RYR3: variants seen among roughly 807,000 people sequenced by gnomAD.
RYR3 encodes the protein brain ryanodine receptor-calcium release channel.
Under a neutral mutation model 584.3 loss-of-function variants are expected in RYR3, and 207 were observed. The ratio of observed to expected loss-of-function variants is 0.35; its 90% confidence interval spans 0.32 to 0.40. The LOEUF is 0.40. RYR3 is among the 10% of genes least tolerant of loss of function. The pLI is 1.00. For synonymous variants in RYR3, 2,416 were observed against 2,248.5 expected, an observed-to-expected ratio of 1.07 and a Z score of -2.11; for missense variants, 5,616 against 6,089.2, an observed-to-expected ratio of 0.92 and a Z score of 2.59.
chr15:33,421,515 C>A (rs2044241606), intron 1 of RYR3, among the ~76,000 whole-genome samples: 1 of 152,080 alleles, frequency 6.6e-6, no homozygotes, highest in Non-Finnish European at 1.5e-5. Context: ...GCGAAGGAAG[C>A]CTCTAGGATG....
intron 1 of RYR3, among the ~76,000 whole-genome samples, chr15:33,343,402 C>T (rs1972065185): frequency 6.6e-6 from 1 of 152,150 alleles, no homozygotes; most frequent in Non-Finnish European, 1.5e-5. Context: ...TTTGTGTTTT[C>T]CTCTGAACTG....
chr15:33,601,288 G>C, intron 16 of RYR3, 131 bp from the exon 17 acceptor site: 1 of 843,060 alleles, frequency 1.2e-6, no homozygotes, highest in South Asian at 1.8e-5. Flanking sequence ...AGCTTCCTTG[G>C]CTCTGAGCTG....
intron 45 of RYR3, among the ~76,000 whole-genome samples, chr15:33,725,180 C>CACACACACACACACACATATAT (rs1555427017): frequency 0.022 from 3,143 of 143,858 alleles, 121 homozygotes; most frequent in East Asian, 0.15. Context: ...CACACACACA[C>CACACACACACACACACATATAT]ACACACACAC....
Position 33,768,500 on chromosome 15 carries a change from G to A in RYR3, c.8706-158G>A, listed in dbSNP as rs939113156. On this transcript the variant is annotated intron_variant, in intron 60 of 103. Coordinates refer to ENST00000634891, the MANE Select transcript of RYR3 (RefSeq NM_001036.6). ...GTGTGAACCACACATGTTCCTGAGT[G>A]TGGACCAGAGGATTCTTTGCTAGGA... is the stretch of plus-strand genomic sequence containing the variant. Among the ~76,000 whole-genome samples, 5 of 152,240 alleles carry A rather than the reference G, an allele frequency of 3.3e-5. No individual in the cohort carries two copies. The East Asian group carries it at 9.6e-4, about 29-fold the overall frequency.
At chr15:33,420,080 C>T (rs2044128005) in intron 1 of RYR3, among the ~76,000 whole-genome samples, 1 of 152,110 alleles carries the variant, frequency 6.6e-6, no homozygotes, top group Non-Finnish European at 1.5e-5. Flanking sequence ...AGAGATGCAA[C>T]CTATAATTAT....
intron 2 of RYR3, among the ~76,000 whole-genome samples, chr15:33,484,546 A>G (rs1035454063): frequency 6.6e-6 from 1 of 152,208 alleles, no homozygotes; most frequent in African/African-American, 2.4e-5. Context: ...TTGCTGAAGG[A>G]AAACATAGAC....
chr15:33,835,426 G>A (rs1399427027), intron 87 of RYR3, among the ~76,000 whole-genome samples: 1 of 152,072 alleles, frequency 6.6e-6, no homozygotes, highest in East Asian at 1.9e-4. Flanking sequence ...CTTGTCCCAT[G>A]TTGCATGTCT....
intron 16 of RYR3, among the ~76,000 whole-genome samples, chr15:33,593,372 C>T (rs537690495): frequency 9.9e-5 from 15 of 151,992 alleles, no homozygotes; most frequent in Non-Finnish European, 2.1e-4. Context: ...ATGGGTAGGT[C>T]CCAAAAGCTA....
chr15:33,856,653 TGTTTG>T (rs769812899), intron 98 of RYR3: 113 of 79,272 alleles, frequency 1.4e-3, no homozygotes, highest in South Asian at 9.7e-3. Flanking sequence ...TTGGGTTTTT[TGTTTG>T]TTTGTTTGTT....
intron 1 of RYR3, among the ~76,000 whole-genome samples, chr15:33,441,640 G>C (rs1339885346): frequency 6.6e-6 from 1 of 152,152 alleles, no homozygotes; most frequent in Non-Finnish European, 1.5e-5. Context: ...AAAACTCTGT[G>C]ATCATAACAT....
intron 81 of RYR3, among the ~76,000 whole-genome samples, chr15:33,823,957 C>A (rs2077241247): frequency 6.6e-6 from 1 of 151,878 alleles, no homozygotes; most frequent in Non-Finnish European, 1.5e-5. Flanking sequence ...AATATCGTAC[C>A]CTGGGCAGTA....
intron 92 of RYR3, 89 bp downstream of exon 92, chr15:33,843,663 C>T: frequency 1.1e-6 from 1 of 947,144 alleles, no homozygotes; most frequent in South Asian, 1.5e-5. Context: ...AATTTGTGCT[C>T]TTAATTGTAG....
At chr15:33,829,610 G>A (rs184263962) in intron 85 of RYR3, among the ~76,000 whole-genome samples, 1,653 of 152,058 alleles carry the variant, frequency 0.011, 40 homozygotes, top group African/African-American at 0.038. Flanking sequence ...AAAATTAGCC[G>A]GGCATGGTGG....
chr15:33,844,896 A>G lies in RYR3; in HGVS notation c.13331A>G (p.Asp4444Gly). 6.2e-7 allele frequency: 1 copy of G among 1,614,028 alleles called. No homozygotes were observed. The highest frequency in any genetic ancestry group is 1.1e-5 in the South Asian group (1 of 91,084). Reference protein sequence around the residue: ...TEEPLEEETEDVANLWNSFND... With the variant: ...TEEPLEEETEGVANLWNSFND... ...GAACCTTTAGAAGAAGAGACAGAGGATGTTGCAAACCTATGGAATTCCTTT... is the reference window on the plus strand; with the variant it reads ...GAACCTTTAGAAGAAGAGACAGAGGGTGTTGCAAACCTATGGAATTCCTTT... The change falls in exon 93 of 104, where the codon GAT (aspartate) becomes GGT (glycine). Residue 4444 changes from aspartate (D) to glycine (G), a missense_variant. Asp to Gly is a moderately conservative substitution (Grantham distance 94). Coordinates refer to ENST00000634891, the MANE Select transcript of RYR3 (RefSeq NM_001036.6).
At chr15:33,408,762 T>C (rs1053986192) in intron 1 of RYR3, among the ~76,000 whole-genome samples, 1 of 152,230 alleles carries the variant, frequency 6.6e-6, no homozygotes, top group Non-Finnish European at 1.5e-5. Flanking sequence ...TATAAATATG[T>C]CCCAAATATT....
intron 85 of RYR3, among the ~76,000 whole-genome samples, chr15:33,827,996 C>G (rs775860152): frequency 1.3e-5 from 2 of 152,154 alleles, no homozygotes; most frequent in Non-Finnish European, 2.9e-5. Flanking sequence ...TTGTGGTAAC[C>G]CTGCATCAAG....
intron 10 of RYR3, among the ~76,000 whole-genome samples, 167 bp downstream of exon 10, chr15:33,550,483 T>G (rs1359219397): frequency 6.6e-6 from 1 of 152,230 alleles, no homozygotes; most frequent in Non-Finnish European, 1.5e-5. Context: ...ATTGAGTTCA[T>G]GGAGGAATAT....
chr15:33,696,013 T>C (rs1337063653), intron 38 of RYR3, among the ~76,000 whole-genome samples: 1 of 140,502 alleles, frequency 7.1e-6, no homozygotes, highest in Admixed American at 7.8e-5. Flanking sequence ...CAGGCTGGTC[T>C]CAAACTGCTA....
intron 57 of RYR3, 76 bp from the exon 58 acceptor site, chr15:33,754,989 C>T: frequency 2.6e-6 from 2 of 763,198 alleles, no homozygotes; most frequent in African/African-American, 1.7e-5. Context: ...AAATTCAACA[C>T]TGGTAGGACT....
Sources: allele counts gnomAD v4.1 joint callset (sites outside exome capture counted in the v4.1 genomes callset), GRCh38; gene constraint gnomAD v4.1.1; transcripts MANE v1.5; gene names NCBI Gene and HGNC (gene_info 2026-07-23, HGNC 2026-07-21).